The following ZNF385C variants were observed in gnomAD, a reference collection of about 807,000 sequenced individuals.
ZNF385C encodes zinc finger protein 385C.
Under a neutral mutation model 35.4 loss-of-function variants are expected in ZNF385C, and 28 were observed. That is an observed-to-expected ratio of 0.79 (90% CI 0.59 to 1.08). ZNF385C has a LOEUF of 1.08. Among genes scored for constraint, ZNF385C ranks in the 50% least tolerant of loss-of-function variants. The probability of loss-of-function intolerance (pLI) is 0.00; values close to 1 mark genes in which losing one functional copy is unlikely to be tolerated. For missense variants in ZNF385C, 605 were observed against 595.6 expected (o/e 1.02, Z -0.16); for synonymous variants, 248 against 248.2 (o/e 1.00, Z 0.01).
intron 2 of ZNF385C, chr17:42,038,782 G>A (rs1243424678): frequency 6.6e-6 from 1 of 152,210 alleles, no homozygotes; most frequent in Non-Finnish European, 1.5e-5. Flanking sequence ...AAAGGCCTGA[G>A]GCTGCCTATT....
intron 2 of ZNF385C, chr17:42,040,693 G>C (rs1485962794): frequency 2.8e-5 from 34 of 1,232,188 alleles, no homozygotes; most frequent in Non-Finnish European, 3.3e-5. Context: ...CCGAGGCCCT[G>C]CCAAGTCAAT....
intron 2 of ZNF385C, among the ~76,000 whole-genome samples, chr17:42,048,098 C>G (rs905433305): frequency 1.3e-5 from 2 of 152,136 alleles, no homozygotes; most frequent in Non-Finnish European, 2.9e-5. Context: ...TCCTCCCCCC[C>G]TTCCCAACTT....
chr17:42,028,498 G>T, intron 6 of ZNF385C: 2 of 582,696 alleles, frequency 3.4e-6, no homozygotes, highest in Non-Finnish European at 5.9e-6. Flanking sequence ...TTTCCTTCTG[G>T]GTGTAATCTA....
intron 2 of ZNF385C, among the ~76,000 whole-genome samples, chr17:42,051,131 A>G (rs939234116): frequency 1.3e-5 from 2 of 151,852 alleles, no homozygotes. Context: ...CTGCAGGTTC[A>G]TGAAGAATTG....
chr17:42,068,269 T>C (rs2053576148), intron 1 of ZNF385C, among the ~76,000 whole-genome samples: 1 of 151,928 alleles, frequency 6.6e-6, no homozygotes, highest in South Asian at 2.1e-4. Context: ...TGACCCACGC[T>C]AGCAGGACCT....
At position 42,026,639 on chromosome 17, in the gene ZNF385C, T is replaced by G; in HGVS notation, c.*258A>C. On this transcript the variant is annotated 3_prime_UTR_variant, in exon 9 of 9. Coordinates refer to ENST00000692273, the MANE Select transcript of ZNF385C (RefSeq NM_001392013.1). ...GAGCACCACATGGCTGGGGCTGAGA[T>G]TTTGCATAGATCTTTGGGGTCTGTC... 1.8e-6 allele frequency: 1 copy of G among 540,590 alleles called. No individual in the cohort carries two copies. The highest frequency in any genetic ancestry group is 3.3e-6 in the Non-Finnish European group (1 of 300,868). The allele number at this position is 540,590 out of a possible 1,614,324, so 33.5% of individuals were successfully genotyped here. A position where few individuals can be genotyped will look rare whatever the true frequency, so the allele number is the denominator to read the frequency against.
chr17:42,057,696 G>C (rs1555657672), intron 2 of ZNF385C, among the ~76,000 whole-genome samples: 1 of 152,036 alleles, frequency 6.6e-6, no homozygotes, highest in African/African-American at 2.4e-5. Context: ...TATAATCCCA[G>C]CACTTTGGGA....
At chr17:42,064,883 T>TATCA (rs2053525588) in intron 1 of ZNF385C, among the ~76,000 whole-genome samples, 1 of 152,148 alleles carries the variant, frequency 6.6e-6, no homozygotes, top group South Asian at 2.1e-4. Flanking sequence ...AGTCTTACTC[T>TATCA]ATCACCCAGG....
intron 2 of ZNF385C, chr17:42,043,248 C>T: frequency 8.1e-7 from 1 of 1,232,278 alleles, no homozygotes; most frequent in Non-Finnish European, 1.0e-6. Context: ...CGAGGCAGAA[C>T]ATCAGCTTCC....
intron 1 of ZNF385C, among the ~76,000 whole-genome samples, chr17:42,088,756 T>C (rs376060616): frequency 1.3e-5 from 2 of 152,206 alleles, no homozygotes; most frequent in African/African-American, 2.4e-5. Context: ...GGTGTGGGAA[T>C]GGCAGCAAGG....
At chr17:42,072,103 C>G (rs1188172791) in intron 1 of ZNF385C, among the ~76,000 whole-genome samples, 1 of 152,144 alleles carries the variant, frequency 6.6e-6, no homozygotes, top group Non-Finnish European at 1.5e-5. Context: ...TTTGCACCCC[C>G]CAAAAGATAA....
In ZNF385C at chr17:42,062,848, C is replaced by T. The variant is rs192500977; in HGVS notation, c.209G>A (p.Arg70Gln). ...VHCGGRAHQRRLRQLSLGKSP... is the reference protein window; with the variant it reads ...VHCGGRAHQRQLRQLSLGKSP... ...CTTCCCCAAGCTGAGCTGCCGAAGC[C>T]GCCTCTGGTGGGCCCGCCCCCCACA... Residue 70 changes from arginine to glutamine, a missense_variant, in exon 2 of 9, where the codon CGG (arginine) becomes CAG (glutamine). Transcript: ENST00000692273. 8.3e-5 allele frequency: 52 copies of T among 627,002 alleles called. No homozygotes were observed. The highest frequency in any genetic ancestry group is 5.0e-4 in the Middle Eastern group (2 of 3,982). The allele number at this position is 627,002 out of a possible 1,614,324, so 38.8% of individuals were successfully genotyped here.
chr17:42,050,548 C>G lies in ZNF385C; in HGVS notation c.250+12259G>C, dbSNP rs2053260390. On this transcript the variant is annotated intron_variant, in intron 2 of 8. Transcript: ENST00000692273. This position sits in a 1 kb window ranked among gnomAD's most constrained non-coding sequence, Gnocchi z 5.6. ...GCCTGGCGCCCCCGCCCCGTCCGCT[C>G]GCACTCACGGAGACACAGGAGCCAC... is the stretch of plus-strand genomic sequence containing the variant. The G allele has an allele frequency of 6.6e-6, 1 of 152,196 alleles. No homozygotes were observed. The highest frequency in any genetic ancestry group is 1.5e-5 in the Non-Finnish European group (1 of 68,062). 9.4% of individuals were successfully genotyped at this position (152,196 alleles called of 1,614,324 possible). A position where few individuals can be genotyped will look rare whatever the true frequency, so the allele number is the denominator to read the frequency against.
At chr17:42,088,705 G>C (rs2053835288) in intron 1 of ZNF385C, among the ~76,000 whole-genome samples, 1 of 152,238 alleles carries the variant, frequency 6.6e-6, no homozygotes, top group African/African-American at 2.4e-5. Context: ...TTGGGGGGAA[G>C]AGCTCCAAGC....
At chr17:42,045,685 C>T (rs1389964314) in intron 2 of ZNF385C, among the ~76,000 whole-genome samples, 1 of 152,194 alleles carries the variant, frequency 6.6e-6, no homozygotes, top group Non-Finnish European at 1.5e-5. Context: ...TTCAGGCCCT[C>T]ACGGTATCAC....
In ZNF385C at chr17:42,031,708, T is replaced by C. The variant is rs2052733967; in HGVS notation, c.587A>G (p.Gln196Arg). The change falls in exon 5 of 9, where the codon CAG becomes CGG. Residue 196 changes from glutamine to arginine, a missense_variant. Physicochemically the swap from Gln to Arg is conservative, Grantham distance 43. Transcript: ENST00000692273. ...LKAVEAAKSK[Q>R]RPHTQAQDGA... ...ATCCTGGGCCTGGGTGTGTGGCCTCTGCTTGCTCTTGGCAGCCTCGACAGC... is the reference window on the plus strand; with the variant it reads ...ATCCTGGGCCTGGGTGTGTGGCCTCCGCTTGCTCTTGGCAGCCTCGACAGC... The C allele has an allele frequency of 2.6e-6, 4 of 1,550,778 alleles. No individual in the cohort carries two copies. The highest frequency in any genetic ancestry group is 2.4e-5 in the East Asian group (1 of 40,914).
intron 1 of ZNF385C, among the ~76,000 whole-genome samples, chr17:42,066,082 C>T (rs1555658426): frequency 6.6e-6 from 1 of 152,060 alleles, no homozygotes; most frequent in African/African-American, 2.4e-5. Flanking sequence ...TTGTTTGAGA[C>T]AGGGTCTCAC....
At chr17:42,085,453 T>TC (rs1308567032) in intron 1 of ZNF385C, among the ~76,000 whole-genome samples, 1 of 151,070 alleles carries the variant, frequency 6.6e-6, no homozygotes, top group African/African-American at 2.4e-5. Context: ...CTTTTTTTTT[T>TC]TTTTGTATTT....
chr17:42,040,169 C>T (rs1433995757), intron 2 of ZNF385C: 1 of 1,231,564 alleles, frequency 8.1e-7, no homozygotes, highest in African/African-American at 1.5e-5. Flanking sequence ...CGTCGGGGGT[C>T]GAAGATCGCT....
Sources: allele counts gnomAD v4.1 joint callset (sites outside exome capture counted in the v4.1 genomes callset), GRCh38; gene constraint gnomAD v4.1.1; non-coding constraint Gnocchi (gnomAD v3.1); transcripts MANE v1.5; gene names NCBI Gene and HGNC (gene_info 2026-07-23, HGNC 2026-07-21).